Variants in CCDC102B observed in about 807,000 individuals in gnomAD.
CCDC102B encodes the protein coiled-coil domain-containing protein 102B.
In CCDC102B, 75 loss-of-function variants were observed where a neutral mutation model predicts 57.4. That is an observed-to-expected ratio of 1.31 (90% CI 1.08 to 1.58). CCDC102B has a LOEUF of 1.58. Among genes scored for constraint, CCDC102B ranks in the 40% most tolerant of loss-of-function variants. CCDC102B has a pLI of 0.00. For missense variants in CCDC102B, 636 were observed against 582.6 expected (o/e 1.09, Z -0.94); for synonymous variants, 206 against 201.9 (o/e 1.02, Z -0.17).
intron 7 of CCDC102B, among the ~76,000 whole-genome samples, chr18:69,022,120 G>A (rs925009523): frequency 1.3e-5 from 2 of 151,662 alleles, no homozygotes; most frequent in African/African-American, 4.9e-5. Context: ...GAAAGACTTA[G>A]ACCATGGTCT....
chr18:68,871,463 C>G lies in CCDC102B; in HGVS notation c.937-3206C>G, dbSNP rs969738462. Among the ~76,000 whole-genome samples, 7 of 152,024 alleles carry G rather than the reference C, an allele frequency of 4.6e-5. 1 individual carries two copies. The highest frequency in any genetic ancestry group is 1.7e-4 in the African/African-American group (7 of 41,384). ...TAATCTAAATCTAAAGTTGAAGAGG[C>G]AAGTGACAAAATTAAGGTTATTTTG... On this transcript the variant is annotated intron_variant, in intron 4 of 7. Coordinates refer to ENST00000360242, the MANE Select transcript of CCDC102B (RefSeq NM_024781.3).
intron 2 of CCDC102B, among the ~76,000 whole-genome samples, chr18:68,741,515 A>G (rs1399220220): frequency 5.9e-5 from 9 of 152,280 alleles, no homozygotes; most frequent in Middle Eastern, 3.4e-3. Context: ...GCTGATGGGG[A>G]TAGAGTTGTG....
intron 2 of CCDC102B, among the ~76,000 whole-genome samples, chr18:68,720,372 ATTTGGTC>A (rs2032257996): frequency 6.6e-6 from 1 of 152,178 alleles, no homozygotes; most frequent in Non-Finnish European, 1.5e-5. Context: ...ATTGATTTGC[ATTTGGTC>A]TTAGTGAAAT....
In CCDC102B at chr18:68,830,297, A is replaced by G. The variant is rs568598706; in HGVS notation, c.-15-6452A>G. Among the ~76,000 whole-genome samples, 6 of 152,106 alleles carry G rather than the reference A, an allele frequency of 3.9e-5. 1 individual carries two copies. The highest frequency in any genetic ancestry group is 9.6e-5 in the African/African-American group (4 of 41,552). On this transcript the variant is annotated intron_variant, in intron 1 of 7. Coordinates refer to ENST00000360242, the MANE Select transcript of CCDC102B (RefSeq NM_024781.3). ...TGTTATTTCCCATAAAATGTGCACC[A>G]TGTCTATTAGCCACCTGGAAATAGT...
At chr18:68,860,315 G>C (rs1264226373) in intron 4 of CCDC102B, among the ~76,000 whole-genome samples, 2 of 26,744 alleles carry the variant, frequency 7.5e-5, no homozygotes, top group Non-Finnish European at 1.7e-4. Context: ...GGTCGGGGGA[G>C]GGGGGAGGGA....
chr18:68,772,171 A>T (rs1413199466), intron 2 of CCDC102B, among the ~76,000 whole-genome samples: 1 of 152,144 alleles, frequency 6.6e-6, no homozygotes, highest in Non-Finnish European at 1.5e-5. Flanking sequence ...AACACCTTGA[A>T]CTGTCAATCA....
At chr18:69,038,981 C>G (rs985548454) in intron 7 of CCDC102B, among the ~76,000 whole-genome samples, 5 of 151,978 alleles carry the variant, frequency 3.3e-5, no homozygotes, top group Non-Finnish European at 7.4e-5. Context: ...ATCAGTTGCT[C>G]TTGTCATTAG....
chr18:68,803,330 G>A (rs2035919841), intron 1 of CCDC102B, among the ~76,000 whole-genome samples: 1 of 152,130 alleles, frequency 6.6e-6, no homozygotes, highest in African/African-American at 2.4e-5. Flanking sequence ...TAAGCATATA[G>A]TCTAGCTGGT....
chr18:68,771,905 C>CACACAA (rs1163499699), intron 2 of CCDC102B, among the ~76,000 whole-genome samples: 1 of 151,612 alleles, frequency 6.6e-6, no homozygotes, highest in Non-Finnish European at 1.5e-5. Flanking sequence ...CACACACACA[C>CACACAA]ACATCTTCTG....
chr18:68,890,600 A>AT (rs1305298630), intron 5 of CCDC102B, among the ~76,000 whole-genome samples: 1 of 152,132 alleles, frequency 6.6e-6, no homozygotes, highest in Admixed American at 6.5e-5. Context: ...GATATGGAAG[A>AT]TTTTTTCCAT....
chr18:68,741,962 A>G lies in CCDC102B; in HGVS notation c.-67+25368A>G, dbSNP rs144687089. On this transcript the variant is annotated intron_variant, in intron 2 of 3. Transcript: ENST00000578970. ...TTTCCCAGGTACAGAGTAGGAGGAA[A>G]ACGGAGACGTGAGGGTTCAAACCTG... Among the ~76,000 whole-genome samples, 398 of 152,246 alleles carry G rather than the reference A, an allele frequency of 2.6e-3. 3 individuals carry two copies. Among genetic ancestry groups the G allele is most frequent in the African/African-American group, 8.6e-3 (358 of 41,554 alleles).
At chr18:68,840,738 T>C (rs1220654492) in intron 3 of CCDC102B, among the ~76,000 whole-genome samples, 3 of 152,200 alleles carry the variant, frequency 2.0e-5, no homozygotes, top group East Asian at 3.8e-4. Flanking sequence ...TGCAGTCTAA[T>C]AGGAGCAATG....
chr18:68,756,179 AATAAT>A (rs2034043181), intron 2 of CCDC102B, among the ~76,000 whole-genome samples: 1 of 151,908 alleles, frequency 6.6e-6, no homozygotes. Context: ...AATAAGAACA[AATAAT>A]ATGAGAAATC....
intron 6 of CCDC102B, among the ~76,000 whole-genome samples, chr18:68,942,936 G>GCCTGC (rs1287542328): frequency 7.2e-6 from 1 of 138,262 alleles, no homozygotes; most frequent in African/African-American, 2.5e-5. Flanking sequence ...GGTCCCTGCG[G>GCCTGC]CCTTCCGCTG....
At chr18:68,893,597 C>T (rs1051595864) in intron 5 of CCDC102B, among the ~76,000 whole-genome samples, 2 of 152,094 alleles carry the variant, frequency 1.3e-5, no homozygotes, top group African/African-American at 2.4e-5. Flanking sequence ...TTATGGAGCA[C>T]ACATACAGTG....
At chr18:68,820,465 G>A (rs1335577925) in intron 1 of CCDC102B, among the ~76,000 whole-genome samples, 1 of 151,898 alleles carries the variant, frequency 6.6e-6, no homozygotes, top group East Asian at 1.9e-4. Context: ...TTTCTATTAG[G>A]GCGTTTATGT....
chr18:69,046,493 G>C (rs982890420), intron 7 of CCDC102B, among the ~76,000 whole-genome samples: 3 of 152,054 alleles, frequency 2.0e-5, no homozygotes, highest in African/African-American at 7.2e-5. Context: ...CTGGATATTA[G>C]ACCTTTGTCA....
At chr18:69,005,107 A>C (rs2051305327) in intron 6 of CCDC102B, among the ~76,000 whole-genome samples, 1 of 152,158 alleles carries the variant, frequency 6.6e-6, no homozygotes, top group Non-Finnish European at 1.5e-5. Context: ...CAAAAATTAT[A>C]ATGTGTTTAA....
intron 6 of CCDC102B, among the ~76,000 whole-genome samples, chr18:68,966,680 T>C (rs141173712): frequency 1.5e-4 from 23 of 152,250 alleles, no homozygotes; most frequent in Admixed American, 6.5e-4. Context: ...TAGTGTGGTG[T>C]TGGGGGGCAG....
Sources: allele counts gnomAD v4.1 joint callset (sites outside exome capture counted in the v4.1 genomes callset), GRCh38; gene constraint gnomAD v4.1.1; transcripts MANE v1.5; gene names NCBI Gene and HGNC (gene_info 2026-07-23, HGNC 2026-07-21).